ZNF804B: variants seen among roughly 807,000 people sequenced by gnomAD.
The protein encoded by ZNF804B is zinc finger protein 804B.
Under a neutral mutation model 101.4 loss-of-function variants are expected in ZNF804B, and 80 were observed. The ratio of observed to expected loss-of-function variants is 0.79; its 90% CI spans 0.66 to 0.95. The LOEUF is 0.95. Among genes scored for constraint, ZNF804B ranks in the 40% least tolerant of loss-of-function variants. ZNF804B has a pLI of 0.00. For synonymous variants in ZNF804B, 622 were observed against 558.8 expected, an observed-to-expected ratio of 1.11 and a Z score of -1.59; for missense variants, 1,673 against 1,561.9, an observed-to-expected ratio of 1.07 and a Z score of -1.20.
At chr7:88,944,678 A>G (rs1241122900) in intron 1 of ZNF804B, among the ~76,000 whole-genome samples, 3 of 151,880 alleles carry the variant, frequency 2.0e-5, no homozygotes, top group African/African-American at 4.8e-5. Context: ...AAAAGTAACC[A>G]GAGTCATTTA....
rs531592023 is a variant in ZNF804B, at chr7:88,811,594, T to G, written c.108+51510T>G. On this transcript the variant is annotated intron_variant, in intron 1 of 3. Transcript: ENST00000333190. ...AACCCAGATGCCCATCAGTGATAGA[T>G]TGGATAAAGAAAAGGTGGTACATAT... Among the ~76,000 whole-genome samples, 3 of 152,076 alleles carry G rather than the reference T, an allele frequency of 2.0e-5. No homozygotes were observed. The South Asian group carries it at 6.2e-4, about 32-fold the overall frequency.
intron 1 of ZNF804B, among the ~76,000 whole-genome samples, chr7:89,209,602 A>C (rs1479645958): frequency 1.3e-5 from 2 of 152,230 alleles, no homozygotes. Flanking sequence ...GATTGTTCTA[A>C]AAGTCTAAAA....
intron 1 of ZNF804B, among the ~76,000 whole-genome samples, chr7:88,789,917 A>T (rs1790354328): frequency 6.6e-6 from 1 of 152,136 alleles, no homozygotes; most frequent in Admixed American, 6.6e-5. Flanking sequence ...TATTAAATTT[A>T]TGATAGTAGA....
At chr7:88,908,958 T>C (rs370556863) in intron 1 of ZNF804B, among the ~76,000 whole-genome samples, 1 of 151,818 alleles carries the variant, frequency 6.6e-6, no homozygotes. Flanking sequence ...TATTGAGATA[T>C]ATACCACTGC....
chr7:88,941,602 T>A (rs1793055375), intron 1 of ZNF804B, among the ~76,000 whole-genome samples: 1 of 151,842 alleles, frequency 6.6e-6, no homozygotes, highest in African/African-American at 2.4e-5. Context: ...TTGTTAGGGA[T>A]TAGGAGGAGA....
At chr7:88,973,914 C>T (rs1453134116) in intron 1 of ZNF804B, among the ~76,000 whole-genome samples, 2 of 151,278 alleles carry the variant, frequency 1.3e-5, no homozygotes, top group African/African-American at 2.4e-5. Flanking sequence ...GGCTCTTTTT[C>T]CTGTTCTTAT....
rs555796188 is a variant in ZNF804B at position 88,859,571 on chromosome 7, A to G, written c.108+99487A>G. Among the ~76,000 whole-genome samples, 3 of 152,152 alleles carry G rather than the reference A, an allele frequency of 2.0e-5. No individual in the cohort carries two copies. The South Asian group carries it at 6.2e-4, about 32-fold the overall frequency. On this transcript the variant is annotated intron_variant, in intron 1 of 3. Transcript: ENST00000333190. ...TCATTAGTTTGAATAACAACTTAGC[A>G]CCATAATTTACAGACATAATGTTTT...
chr7:89,038,983 T>C (rs1365800298), intron 1 of ZNF804B, among the ~76,000 whole-genome samples: 1 of 152,062 alleles, frequency 6.6e-6, no homozygotes, highest in Non-Finnish European at 1.5e-5. Flanking sequence ...TGATGACTTA[T>C]TTTTAGGCTC....
intron 2 of ZNF804B, among the ~76,000 whole-genome samples, chr7:89,257,539 AG>A (rs1789652638): frequency 6.6e-6 from 1 of 152,138 alleles, no homozygotes; most frequent in Non-Finnish European, 1.5e-5. Context: ...TACATATAAA[AG>A]GAGTCACTAC....
intron 1 of ZNF804B, among the ~76,000 whole-genome samples, chr7:88,908,633 C>T (rs2115969656): frequency 1.3e-5 from 2 of 151,818 alleles, no homozygotes; most frequent in South Asian, 2.1e-4. Flanking sequence ...TTAATGCTGA[C>T]TTAGTAATAC....
intron 1 of ZNF804B, among the ~76,000 whole-genome samples, chr7:88,854,410 T>TCTTTCTTC (rs1562812538): frequency 1.5e-5 from 2 of 132,646 alleles, no homozygotes; most frequent in African/African-American, 6.1e-5. Flanking sequence ...TTTCTTTCTT[T>TCTTTCTTC]CTTCCTTTCT....
chr7:89,114,584 G>T (rs1028869694), intron 1 of ZNF804B, among the ~76,000 whole-genome samples: 1 of 152,158 alleles, frequency 6.6e-6, no homozygotes, highest in Admixed American at 6.5e-5. Flanking sequence ...TCTTATTGAT[G>T]CTCTTTTTGC....
At chr7:88,952,913 C>T (rs1005756379) in intron 1 of ZNF804B, among the ~76,000 whole-genome samples, 10 of 151,780 alleles carry the variant, frequency 6.6e-5, no homozygotes, top group Admixed American at 3.3e-4. Flanking sequence ...ATACTGATCA[C>T]ATGGTACCTG....
chr7:88,898,417 C>T (rs1792342009), intron 1 of ZNF804B, among the ~76,000 whole-genome samples: 1 of 151,910 alleles, frequency 6.6e-6, no homozygotes, highest in Non-Finnish European at 1.5e-5. Flanking sequence ...CATCATCTTA[C>T]ATTCTCTGCA....
At chr7:89,194,638 T>C (rs1190194018) in intron 1 of ZNF804B, among the ~76,000 whole-genome samples, 2 of 151,920 alleles carry the variant, frequency 1.3e-5, no homozygotes, top group African/African-American at 4.8e-5. Context: ...TGCGGTGTTA[T>C]TTCTGAGGGC....
intron 1 of ZNF804B, among the ~76,000 whole-genome samples, chr7:89,212,252 T>TATACACAC (rs746773282): frequency 6.9e-5 from 6 of 87,096 alleles, no homozygotes; most frequent in African/African-American, 2.9e-4. Flanking sequence ...CATTCAGTGA[T>TATACACAC]ACACACACAC....
At chr7:89,245,557 G>A (rs1344351757) in intron 2 of ZNF804B, among the ~76,000 whole-genome samples, 2 of 152,102 alleles carry the variant, frequency 1.3e-5, no homozygotes, top group African/African-American at 4.8e-5. Context: ...CTTGGAAATT[G>A]TAAGAATTAC....
Position 88,877,031 on chromosome 7 carries a change from A to ATG in ZNF804B, c.108+116948_108+116949insGT, listed in dbSNP as rs1343986050. On this transcript the variant is annotated intron_variant, in intron 1 of 3. Transcript: ENST00000333190. Reference sequence around the variant, plus strand: ...AAATATATATATATATATATAATATATATATATATATATATATATTTTTTT... The same window carrying ATG: ...AAATATATATATATATATATAATATATGTATATATATATATATATATTTTTTT... 1.0e-4 allele frequency among the ~76,000 whole-genome samples: 4 copies of ATG among 39,270 alleles called. No homozygotes were observed. In the South Asian group the frequency reaches 3.5e-3, roughly 34 times the overall value. 25.8% of individuals were successfully genotyped at this position (39,270 alleles called of 152,430 possible).
At chr7:88,800,545 C>T (rs1310730122) in intron 1 of ZNF804B, among the ~76,000 whole-genome samples, 1 of 152,018 alleles carries the variant, frequency 6.6e-6, no homozygotes, top group Non-Finnish European at 1.5e-5. Flanking sequence ...TTAAGATCCC[C>T]ATGACTATGT....
Sources: gnomAD v4.1 joint callset for allele counts (sites outside exome capture counted in the v4.1 genomes callset) on GRCh38, gnomAD v4.1.1 for gene constraint, MANE v1.5 for transcripts, NCBI Gene and HGNC (gene_info 2026-07-23, HGNC 2026-07-21) for gene names.